Variants in UNC13C observed in about 807,000 individuals in gnomAD.
UNC13C encodes the protein protein unc-13 homolog C.
Under a neutral mutation model 245.4 loss-of-function variants are expected in UNC13C, and 174 were observed. That is an observed-to-expected ratio of 0.71 (90% confidence interval 0.63 to 0.80). UNC13C has a LOEUF of 0.80. Ranked by LOEUF, UNC13C falls within the 30% of genes least tolerant of loss-of-function variation. The probability of loss-of-function intolerance (pLI) is 0.00; values close to 1 mark genes in which losing one functional copy is unlikely to be tolerated. For synonymous variants in UNC13C, 992 were observed against 895.1 expected, an observed-to-expected ratio of 1.11 and a Z score of -1.93; for missense variants, 2,829 against 2,602.9, an observed-to-expected ratio of 1.09 and a Z score of -1.89.
intron 13 of UNC13C, among the ~76,000 whole-genome samples, chr15:54,318,704 G>T (rs1194322395): frequency 6.6e-6 from 1 of 151,822 alleles, no homozygotes; most frequent in African/African-American, 2.4e-5. Flanking sequence ...CATCCTGCAG[G>T]TTATCTCTTC....
intron 2 of UNC13C, among the ~76,000 whole-genome samples, chr15:54,141,957 C>T (rs191910060): frequency 3.9e-4 from 60 of 152,164 alleles, no homozygotes; most frequent in African/African-American, 1.3e-3. Context: ...TGACCTTGGA[C>T]AAATTTTAAT....
chr15:54,037,222 G>T (rs989942520), intron 2 of UNC13C, among the ~76,000 whole-genome samples: 1 of 152,162 alleles, frequency 6.6e-6, no homozygotes, highest in African/African-American at 2.4e-5. Context: ...ACATAATTTT[G>T]CAGGTTTCCT....
the UNC13C span, among the ~76,000 whole-genome samples, chr15:53,871,990 T>C: frequency 6.6e-6 from 1 of 152,190 alleles, no homozygotes; most frequent in Non-Finnish European, 1.5e-5. Flanking sequence ...TGTATGGAGA[T>C]GATGAAACCC....
At chr15:54,101,195 C>G (rs1331907486) in intron 2 of UNC13C, among the ~76,000 whole-genome samples, 1 of 151,814 alleles carries the variant, frequency 6.6e-6, no homozygotes, top group Non-Finnish European at 1.5e-5. Flanking sequence ...TGTTAATCTG[C>G]TTCTATCATG....
At chr15:53,963,674 G>A in the UNC13C span, among the ~76,000 whole-genome samples, 1 of 152,162 alleles carries the variant, frequency 6.6e-6, no homozygotes, top group Non-Finnish European at 1.5e-5. Context: ...TGCTAAGAGT[G>A]GATTTGGGAA....
chr15:53,921,278 T>TC, the UNC13C span, among the ~76,000 whole-genome samples: 1 of 152,210 alleles, frequency 6.6e-6, no homozygotes, highest in Admixed American at 6.5e-5. Context: ...AAAAACTGGT[T>TC]CTAATAAAAA....
intron 17 of UNC13C, among the ~76,000 whole-genome samples, chr15:54,372,605 A>G (rs1215662936): frequency 6.6e-6 from 1 of 152,206 alleles, no homozygotes; most frequent in Non-Finnish European, 1.5e-5. Context: ...TTAAATTGGT[A>G]TATATGGAAT....
chr15:54,543,661 A>G (rs1415609220), intron 26 of UNC13C, among the ~76,000 whole-genome samples: 1 of 152,186 alleles, frequency 6.6e-6, no homozygotes, highest in African/African-American at 2.4e-5. Context: ...AGAATACTAT[A>G]AACACCTGTA....
At chr15:54,410,083 T>A (rs571379856) in intron 18 of UNC13C, among the ~76,000 whole-genome samples, 1 of 152,344 alleles carries the variant, frequency 6.6e-6, no homozygotes, top group Admixed American at 6.5e-5. Context: ...CAATGTGAGA[T>A]AATATCTCAT....
chr15:54,298,299 T>C (rs533760926), intron 12 of UNC13C, among the ~76,000 whole-genome samples: 1 of 152,318 alleles, frequency 6.6e-6, no homozygotes, highest in African/African-American at 2.4e-5. Context: ...AGTAGTTTGG[T>C]ATTGCAGGAG....
At position 54,611,939 on chromosome 15, in the gene UNC13C, G is replaced by A. The variant is rs932407067; in HGVS notation, c.6107-10388G>A. Among the ~76,000 whole-genome samples the A allele has an allele frequency of 3.3e-5, 5 of 152,014 alleles. 1 individual carries two copies. The highest frequency in any genetic ancestry group is 2.0e-4 in the Admixed American group (3 of 15,252). ...ACCTTGCAACATAAGTATTTTACAT[G>A]ATATTAACTCTGAACTGTCAAGTTT... is the stretch of plus-strand genomic sequence containing the variant. On this transcript the variant is annotated intron_variant, in intron 30 of 32. Transcript: ENST00000260323.
At chr15:54,622,532 C>T in intron 31 of UNC13C, 113 bp downstream of exon 31, 1 of 763,420 alleles carries the variant, frequency 1.3e-6, no homozygotes. Context: ...TATTTTAGGG[C>T]ATGCACAAAA....
At chr15:53,946,906 G>A in the UNC13C span, among the ~76,000 whole-genome samples, 1 of 151,980 alleles carries the variant, frequency 6.6e-6, no homozygotes, top group East Asian at 1.9e-4. Flanking sequence ...CAAGTATTTT[G>A]TTGAGGATTT....
intron 2 of UNC13C, 111 bp downstream of exon 2, chr15:54,015,997 C>A: frequency 1.1e-6 from 1 of 916,670 alleles, no homozygotes; most frequent in Non-Finnish European, 1.6e-6. Context: ...CTTGCAATGA[C>A]TTTCCATGCT....
chr15:53,905,496 A>G, the UNC13C span, among the ~76,000 whole-genome samples: 1 of 151,894 alleles, frequency 6.6e-6, no homozygotes, highest in Admixed American at 6.6e-5. Flanking sequence ...GGAAGACATT[A>G]CGCCAAATGA....
chr15:54,444,927 TTTACA>T (rs1210254177), intron 19 of UNC13C, among the ~76,000 whole-genome samples: 1 of 151,808 alleles, frequency 6.6e-6, no homozygotes, highest in Non-Finnish European at 1.5e-5. Context: ...TAACTCATCC[TTTACA>T]TTAGGTATAT....
At chr15:53,905,568 A>T in the UNC13C span, among the ~76,000 whole-genome samples, 10 of 152,266 alleles carry the variant, frequency 6.6e-5, no homozygotes, top group Admixed American at 5.9e-4. Context: ...AATCTAAAAA[A>T]ATATAACTCA....
At chr15:53,900,073 G>A in the UNC13C span, among the ~76,000 whole-genome samples, 970 of 152,170 alleles carry the variant, frequency 6.4e-3, 10 homozygotes, top group African/African-American at 0.023. Flanking sequence ...AGAAAGTCAA[G>A]CCTGAATCCT....
chr15:54,583,382 C>T (rs1010912504), intron 30 of UNC13C, among the ~76,000 whole-genome samples: 1 of 152,046 alleles, frequency 6.6e-6, no homozygotes, highest in African/African-American at 2.4e-5. Context: ...ACAAGATAAA[C>T]CTGAAACTAA....
Sources: allele counts gnomAD v4.1 joint callset (sites outside exome capture counted in the v4.1 genomes callset), GRCh38; gene constraint gnomAD v4.1.1; transcripts MANE v1.5; gene names NCBI Gene and HGNC (gene_info 2026-07-23, HGNC 2026-07-21).